Variants in CELF2 observed in about 807,000 individuals in gnomAD.
The protein encoded by CELF2 is CUGBP Elav-like family member 2.
A neutral mutation model predicts 62.6 loss-of-function variants in CELF2; 8 were observed. That is an observed-to-expected ratio of 0.13 (90% CI 0.07 to 0.23). The LOEUF (loss-of-function observed/expected upper bound fraction) is 0.23. CELF2 is among the 10% of genes least tolerant of loss of function. CELF2 has a pLI of 1.00. For missense variants in CELF2, 333 were observed against 671.0 expected (o/e 0.50, Z 5.56); for synonymous variants, 258 against 250.0 (o/e 1.03, Z -0.30).
intron 2 of CELF2, among the ~76,000 whole-genome samples, chr10:10,994,416 G>C (rs556839585): frequency 6.6e-6 from 1 of 152,284 alleles, no homozygotes; most frequent in South Asian, 2.1e-4. Context: ...TTACTATGTT[G>C]AATGCAGATT....
chr10:10,838,768 G>C (rs1417376881), intron 1 of CELF2, among the ~76,000 whole-genome samples: 1 of 152,106 alleles, frequency 6.6e-6, no homozygotes, highest in Non-Finnish European at 1.5e-5. Flanking sequence ...TCAAAAACAA[G>C]ATATTTTATG....
At chr10:11,068,229 T>G (rs1211674854) in intron 1 of CELF2, among the ~76,000 whole-genome samples, 1 of 152,182 alleles carries the variant, frequency 6.6e-6, no homozygotes, top group Non-Finnish European at 1.5e-5. Context: ...GACCAAATAC[T>G]CATACTAATC....
chr10:11,073,802 A>G (rs889377236), intron 1 of CELF2, among the ~76,000 whole-genome samples: 1 of 152,168 alleles, frequency 6.6e-6, no homozygotes, highest in Non-Finnish European at 1.5e-5. Context: ...AAACCCACAA[A>G]TGTCCTTCGT....
intron 2 of CELF2, among the ~76,000 whole-genome samples, chr10:10,927,827 A>T (rs1409625255): frequency 3.9e-5 from 6 of 152,044 alleles, no homozygotes. Flanking sequence ...GGTCCTTCCC[A>T]CTTCCTCTTT....
intron 1 of CELF2, among the ~76,000 whole-genome samples, chr10:10,840,699 G>A (rs72638756): frequency 0.048 from 7,248 of 151,884 alleles, 909 homozygotes; most frequent in East Asian, 0.37. Flanking sequence ...TTTACTTTAA[G>A]TTCTGGAATA....
At chr10:10,555,307 G>A in the CELF2 span, among the ~76,000 whole-genome samples, 3 of 150,348 alleles carry the variant, frequency 2.0e-5, no homozygotes, top group African/African-American at 2.5e-5. Flanking sequence ...CTTCATCCAT[G>A]GTAAAGTTAA....
intron 1 of CELF2, among the ~76,000 whole-genome samples, chr10:11,044,784 G>A (rs1009973068): frequency 6.6e-6 from 1 of 152,142 alleles, no homozygotes; most frequent in Non-Finnish European, 1.5e-5. Flanking sequence ...TAGAGCTCTT[G>A]TAGTTTTATA....
chr10:11,183,374 G>T (rs625315), intron 2 of CELF2, among the ~76,000 whole-genome samples: 74,315 of 152,016 alleles, frequency 0.49, 19,512 homozygotes, highest in East Asian at 0.83. Flanking sequence ...GTTGTCATTT[G>T]CTGAATATTT....
chr10:11,281,742 T>C (rs929890960), intron 8 of CELF2, among the ~76,000 whole-genome samples: 6 of 152,194 alleles, frequency 3.9e-5, no homozygotes, highest in Admixed American at 3.9e-4. Context: ...AGACCCTGTC[T>C]CAAAAAATAT....
In CELF2 at chr10:11,324,218, T is replaced by C. The variant is rs889368116; in HGVS notation, c.1295-1618T>C. Among the ~76,000 whole-genome samples the C allele has an allele frequency of 6.6e-6, 1 of 152,218 alleles. No homozygotes were observed. The highest frequency in any genetic ancestry group is 1.5e-5 in the Non-Finnish European group (1 of 68,032). On this transcript the variant is annotated intron_variant, in intron 11 of 12. Coordinates refer to ENST00000633077, the MANE Select transcript of CELF2 (RefSeq NM_001326342.2). This position sits in a 1 kb window ranked among gnomAD's most constrained non-coding sequence, Gnocchi z 4.7. ...TTGAAACTGTATTTTCTCCCCGGCT[T>C]CAGGAGGTGAGATGTACTTCACAGT... is the stretch of plus-strand genomic sequence containing the variant.
At chr10:10,481,131 C>T in the CELF2 span, among the ~76,000 whole-genome samples, 9 of 152,218 alleles carry the variant, frequency 5.9e-5, no homozygotes, top group Middle Eastern at 6.8e-3. Context: ...TGTTCTTCCC[C>T]GCTCCTTCTT....
At chr10:11,139,490 A>G (rs900426004) in intron 1 of CELF2, among the ~76,000 whole-genome samples, 3 of 152,220 alleles carry the variant, frequency 2.0e-5, no homozygotes, top group Non-Finnish European at 4.4e-5. Flanking sequence ...TATTTATGGT[A>G]TTATGTGCTA....
At chr10:10,715,394 A>G in the CELF2 span, among the ~76,000 whole-genome samples, 16 of 152,194 alleles carry the variant, frequency 1.1e-4, no homozygotes, top group Non-Finnish European at 1.9e-4. Context: ...TCCTTTGTTT[A>G]GCATTCAGTA....
intron 2 of CELF2, among the ~76,000 whole-genome samples, chr10:10,998,358 C>G (rs954738121): frequency 1.3e-5 from 2 of 152,136 alleles, no homozygotes; most frequent in African/African-American, 4.8e-5. Flanking sequence ...TAGAAACCTG[C>G]CAGGGACTTT....
chr10:10,661,183 C>T, the CELF2 span, among the ~76,000 whole-genome samples: 4 of 152,226 alleles, frequency 2.6e-5, no homozygotes, highest in African/African-American at 9.6e-5. Context: ...TTTCCACATC[C>T]TCTTGCAAAG....
chr10:10,788,252 A>G, the CELF2 span, among the ~76,000 whole-genome samples: 1 of 152,102 alleles, frequency 6.6e-6, no homozygotes, highest in Non-Finnish European at 1.5e-5. Context: ...ACTTCAAAAT[A>G]GGACCTTTTT....
the CELF2 span, among the ~76,000 whole-genome samples, chr10:10,640,895 T>C: frequency 6.6e-6 from 1 of 152,210 alleles, no homozygotes; most frequent in Non-Finnish European, 1.5e-5. Context: ...ATTGGCCATC[T>C]TTGTTTCCCT....
intron 1 of CELF2, among the ~76,000 whole-genome samples, chr10:10,818,238 G>A (rs1290438116): frequency 6.6e-6 from 1 of 152,154 alleles, no homozygotes; most frequent in African/African-American, 2.4e-5. Context: ...CTCCTCTGGT[G>A]ATCCACCCAT....
At chr10:11,113,734 G>A (rs2055837928) in intron 1 of CELF2, among the ~76,000 whole-genome samples, 2 of 152,186 alleles carry the variant, frequency 1.3e-5, no homozygotes, top group Admixed American at 6.5e-5. Flanking sequence ...TGGGTTCCCA[G>A]CGGGTCTGCC....
Sources: gnomAD v4.1 joint callset for allele counts (sites outside exome capture counted in the v4.1 genomes callset) on GRCh38, gnomAD v4.1.1 for gene constraint, Gnocchi (gnomAD v3.1) non-coding constraint, MANE v1.5 for transcripts, NCBI Gene and HGNC (gene_info 2026-07-23, HGNC 2026-07-21) for gene names.